The following VASP variants were observed in gnomAD, a reference collection of about 807,000 sequenced individuals.
VASP encodes the protein vasodilator-stimulated phosphoprotein.
A neutral mutation model predicts 54.4 loss-of-function variants in VASP; 27 were observed. That is an observed-to-expected ratio of 0.50 (90% CI 0.37 to 0.68). The LOEUF is 0.68. VASP is among the 30% of genes least tolerant of loss of function. The probability of loss-of-function intolerance (pLI) is 0.00; values close to 1 mark genes in which losing one functional copy is unlikely to be tolerated. For missense variants in VASP, 488 were observed against 528.3 expected, an observed-to-expected ratio of 0.92 and a Z score of 0.75; for synonymous variants, 233 against 209.8, an observed-to-expected ratio of 1.11 and a Z score of -0.96.
chr19:45,517,709 G>T lies in VASP; in HGVS notation c.52G>T (p.Asp18Tyr). 1 of 1,612,502 alleles carries T rather than the reference G, an allele frequency of 6.2e-7. No individual in the cohort carries two copies. ...CCGGGCCACTGTGATGCTTTATGAT[G>T]ATGGCAACAAGCGATGGCTCCCTGC... ...SSRATVMLYD[D>Y]GNKRWLPAGT... is the part of the protein sequence containing the mutation. The change falls in exon 2 of 13, where the codon GAT becomes TAT. Residue 18 changes from aspartate (D) to tyrosine (Y), a missense_variant. Asp to Tyr is a radical substitution (Grantham distance 160). This residue lies in a region of VASP where 127 missense variants were observed against 170.7 expected (regional missense o/e 0.74). Coordinates refer to ENST00000245932, the MANE Select transcript of VASP (RefSeq NM_003370.4).
At chr19:45,521,870 C>T (rs1166555361) in intron 4 of VASP, among the ~76,000 whole-genome samples, 1 of 150,236 alleles carries the variant, frequency 6.7e-6, no homozygotes, top group Non-Finnish European at 1.5e-5. Context: ...GCCTGGGTGA[C>T]AGAGTCTCAA....
At chr19:45,522,640 G>A in intron 6 of VASP, 59 bp downstream of exon 6, 1 of 1,556,230 alleles carries the variant, frequency 6.4e-7, no homozygotes. Flanking sequence ...GATGAGGCCA[G>A]GGCTGCCGGC....
At chr19:45,525,835 C>A in intron 11 of VASP, 111 bp from the exon 12 acceptor site, 2 of 1,090,428 alleles carry the variant, frequency 1.8e-6, no homozygotes, top group Non-Finnish European at 2.7e-6. Context: ...TGCCATTGCA[C>A]CCTAGCCTGG....
intron 10 of VASP, 106 bp downstream of exon 10, chr19:45,524,248 A>C: frequency 7.4e-7 from 1 of 1,346,172 alleles, no homozygotes; most frequent in Admixed American, 1.9e-5. Context: ...CCATCTCTAC[A>C]AAAATTAGCC....
In VASP at chr19:45,523,791, G is replaced by A. The variant is rs770804935; in HGVS notation, c.874-50G>A. 8.1e-6 allele frequency: 13 copies of A among 1,613,972 alleles called. No individual in the cohort carries two copies. In the Admixed American group the frequency reaches 1.8e-4, roughly 23 times the overall value. On this transcript the variant is annotated intron_variant, in intron 8 of 12. Coordinates refer to ENST00000245932, the MANE Select transcript of VASP (RefSeq NM_003370.4). ...GGGGTTTGAACCTGAAAGAGGAAAT[G>A]GGCAGAGGTGTGGCAGGGGCTGGCT...
chr19:45,526,033 A>G (rs771059940), intron 12 of VASP, 30 bp downstream of exon 12: 18 of 1,613,076 alleles, frequency 1.1e-5, no homozygotes, highest in Non-Finnish European at 1.5e-5. Context: ...TTTTGTTCTT[A>G]AACATTTACT....
rs2122271286 is a variant in VASP at position 45,508,000 on chromosome 19, G to A, written c.5+224G>A. ...TGGTGGCGGTGAGGTTCTCCTGGGA[G>A]CCCTCAAGATTTGGGGGCGCTCGGA... On this transcript the variant is annotated intron_variant, in intron 1 of 12. Coordinates refer to ENST00000245932, the MANE Select transcript of VASP (RefSeq NM_003370.4). The surrounding 1 kb of genome is among the most constrained non-coding windows in gnomAD (Gnocchi z 4.4). 6.6e-6 allele frequency among the ~76,000 whole-genome samples: 1 copy of A among 152,242 alleles called. No homozygotes were observed. The highest frequency in any genetic ancestry group is 2.4e-5 in the African/African-American group (1 of 41,548).
intron 7 of VASP, among the ~76,000 whole-genome samples, chr19:45,523,346 G>A (rs753227971): frequency 4.0e-5 from 6 of 151,496 alleles, no homozygotes; most frequent in Non-Finnish European, 8.8e-5. Context: ...GGGATTACAG[G>A]CATGAGTCAC....
intron 7 of VASP, among the ~76,000 whole-genome samples, chr19:45,523,037 C>T (rs537568008): frequency 7.2e-5 from 11 of 152,112 alleles, no homozygotes; most frequent in Admixed American, 3.9e-4. Flanking sequence ...ATTCTAGAAC[C>T]GTAGGAGATC....
intron 4 of VASP, 79 bp from the exon 5 acceptor site, chr19:45,522,089 G>C: frequency 6.3e-7 from 1 of 1,595,438 alleles, no homozygotes; most frequent in Non-Finnish European, 8.5e-7. Flanking sequence ...CTCTGAGAGA[G>C]AGGACGGAGG....
intron 10 of VASP, 29 bp downstream of exon 10, chr19:45,524,171 G>T (rs368138265): frequency 2.5e-6 from 4 of 1,612,408 alleles, no homozygotes; most frequent in Non-Finnish European, 3.4e-6. Flanking sequence ...GGCCCTTGGG[G>T]AGGTAAAGGC....
chr19:45,519,570 A>C (rs1197418035), intron 3 of VASP, among the ~76,000 whole-genome samples: 12 of 146,664 alleles, frequency 8.2e-5, no homozygotes, highest in Non-Finnish European at 1.3e-4. Context: ...GATTACAGGC[A>C]TGAGCCACTA....
Position 45,508,910 on chromosome 19 carries a change from C to T in VASP, c.5+1134C>T, listed in dbSNP as rs920549455. Among the ~76,000 whole-genome samples the T allele has an allele frequency of 8.5e-5, 13 of 152,172 alleles. 2 individuals are homozygous for T. The highest frequency in any genetic ancestry group is 4.1e-4 in the South Asian group (2 of 4,836). On this transcript the variant is annotated intron_variant, in intron 1 of 12. Transcript: ENST00000245932. Reference sequence around the variant, plus strand: ...GCGGGGCCAGTGTGGGCAGGGGGGCCCAACCATCCCCCCTATTCTTCCCTC... The same window carrying T: ...GCGGGGCCAGTGTGGGCAGGGGGGCTCAACCATCCCCCCTATTCTTCCCTC...
chr19:45,508,400 G>T (rs1968531406), intron 1 of VASP, among the ~76,000 whole-genome samples: 1 of 152,064 alleles, frequency 6.6e-6, no homozygotes, highest in Admixed American at 6.5e-5. Context: ...AGAGTCTGGT[G>T]GGACCCCCCC....
intron 1 of VASP, among the ~76,000 whole-genome samples, chr19:45,510,012 G>A (rs548197987): frequency 2.3e-4 from 35 of 152,212 alleles, no homozygotes; most frequent in African/African-American, 5.5e-4. Context: ...GGCTGTGTCC[G>A]GGACTGGAGC....
chr19:45,511,265 G>A (rs1227635282), intron 1 of VASP, among the ~76,000 whole-genome samples: 1 of 152,164 alleles, frequency 6.6e-6, no homozygotes, highest in East Asian at 1.9e-4. Context: ...TGCAAGTTTT[G>A]TGAAAACCGG....
chr19:45,525,690 T>G, intron 11 of VASP: 1 of 361,356 alleles, frequency 2.8e-6, no homozygotes, highest in Non-Finnish European at 5.1e-6. Flanking sequence ...AGGGAGACTC[T>G]GTTTCAAAAA....
At position 45,525,947 on chromosome 19, in the gene VASP, A is replaced by G. The variant is rs1324351554; in HGVS notation, c.1049A>G (p.Glu350Gly). 1.2e-6 allele frequency: 2 copies of G among 1,613,494 alleles called. No homozygotes were observed. Among genetic ancestry groups the G allele is most frequent in the African/African-American group, 1.3e-5 (1 of 74,966 alleles). Residue 350 changes from glutamate to glycine, a missense_variant and splice_region_variant, in exon 12 of 13, where the codon GAG becomes GGG. Around this residue, in one of 4 missense-constraint regions of VASP, gnomAD observed 126 missense variants for 134.8 expected, o/e 0.94. Coordinates refer to ENST00000245932, the MANE Select transcript of VASP (RefSeq NM_003370.4). The part of the protein sequence containing the change: ...DYSDLQRVKQ[E>G]LLEEVKKELQ... ...TTAGTTTTACCCCATTAATTTTAGG[A>G]GCTTCTGGAAGAGGTGAAGAAGGAA...
chr19:45,515,877 CCCCACTGCCCTGGAGGT>C (rs1170956030), intron 1 of VASP, among the ~76,000 whole-genome samples: 1 of 152,116 alleles, frequency 6.6e-6, no homozygotes, highest in Non-Finnish European at 1.5e-5. Context: ...TGTGCCCCTC[CCCCACTGCCCTGGAGGT>C]GGGGACTGTC....
Sources: gnomAD v4.1 joint callset for allele counts (sites outside exome capture counted in the v4.1 genomes callset) on GRCh38, gnomAD v4.1.1 for gene constraint, gnomAD v4.1.1 regional missense constraint, Gnocchi (gnomAD v3.1) non-coding constraint, MANE v1.5 for transcripts, NCBI Gene and HGNC (gene_info 2026-07-23, HGNC 2026-07-21) for gene names.